Variants in ATXN1 observed in about 807,000 individuals in gnomAD.
ATXN1 encodes ataxin-1.
Under a neutral mutation model 56.4 loss-of-function variants are expected in ATXN1, and 8 were observed. The observed-to-expected ratio is 0.14, with a 90% CI of 0.08 to 0.26. ATXN1 has a LOEUF of 0.26. Among genes scored for constraint, ATXN1 ranks in the 10% least tolerant of loss-of-function variants. The pLI is 1.00. For missense variants in ATXN1, 987 were observed against 1,106.5 expected (o/e 0.89, Z 1.53); for synonymous variants, 514 against 494.6 (o/e 1.04, Z -0.52).
At chr6:16,458,440 C>G (rs1759924143) in intron 6 of ATXN1, among the ~76,000 whole-genome samples, 1 of 152,176 alleles carries the variant, frequency 6.6e-6, no homozygotes, top group Non-Finnish European at 1.5e-5. Flanking sequence ...GTCAATTGAT[C>G]CTAAAAGATG....
chr6:16,483,991 C>T (rs574169496), intron 6 of ATXN1, among the ~76,000 whole-genome samples: 3 of 152,248 alleles, frequency 2.0e-5, no homozygotes, highest in African/African-American at 7.2e-5. Context: ...AACTGGAGTA[C>T]CCAAATCTAA....
At chr6:16,635,671 T>C (rs1201076802) in intron 3 of ATXN1, among the ~76,000 whole-genome samples, 1 of 152,214 alleles carries the variant, frequency 6.6e-6, no homozygotes, top group Non-Finnish European at 1.5e-5. Context: ...ATCTGATTCT[T>C]TAGGCAGGAC....
At chr6:16,558,629 C>T (rs1418839186) in intron 4 of ATXN1, among the ~76,000 whole-genome samples, 1 of 152,034 alleles carries the variant, frequency 6.6e-6, no homozygotes, top group Non-Finnish European at 1.5e-5. Context: ...CCTTGGCCTC[C>T]CAAAGTGCTG....
chr6:16,678,447 T>C (rs1213828664), intron 2 of ATXN1, among the ~76,000 whole-genome samples: 1 of 152,240 alleles, frequency 6.6e-6, no homozygotes, highest in African/African-American at 2.4e-5. Flanking sequence ...TAAGCCAAAA[T>C]GTTATTTTCT....
At chr6:16,581,362 C>T (rs138218898) in intron 4 of ATXN1, among the ~76,000 whole-genome samples, 2 of 151,586 alleles carry the variant, frequency 1.3e-5, no homozygotes, top group East Asian at 1.9e-4. Context: ...TTTGAGGGCC[C>T]GAAGAGAGCA....
At chr6:16,576,227 TAA>T (rs575279596) in intron 4 of ATXN1, among the ~76,000 whole-genome samples, 368 of 152,342 alleles carry the variant, frequency 2.4e-3, no homozygotes, top group Admixed American at 4.7e-3. Context: ...ATGGACTCCC[TAA>T]GTCTCTTTAC....
rs114799658 is a variant in ATXN1, at chr6:16,510,072, C to T, written c.-299+12555G>A. ...CACTTCTATCTTTAACCCTCTGAAG[C>T]GTGTTTTTACTTTTATATACAGTTT... On this transcript the variant is annotated intron_variant, in intron 5 of 7. Transcript: ENST00000436367. Among the ~76,000 whole-genome samples, 636 of 152,324 alleles carry T rather than the reference C, an allele frequency of 4.2e-3. 4 individuals carry two copies. The highest frequency in any genetic ancestry group is 0.013 in the African/African-American group (529 of 41,558).
chr6:16,482,909 G>C (rs1760468875), intron 6 of ATXN1, among the ~76,000 whole-genome samples: 1 of 152,070 alleles, frequency 6.6e-6, no homozygotes, highest in South Asian at 2.1e-4. Context: ...CGTTCAATTG[G>C]CCTCATCTAA....
intron 2 of ATXN1, among the ~76,000 whole-genome samples, chr6:16,676,848 T>A (rs1340453535): frequency 6.6e-6 from 1 of 152,104 alleles, no homozygotes; most frequent in Non-Finnish European, 1.5e-5. Context: ...CCAAGAAAAG[T>A]GTTACATCAA....
intron 4 of ATXN1, among the ~76,000 whole-genome samples, chr6:16,529,616 A>G (rs1761462914): frequency 6.6e-6 from 1 of 152,214 alleles, no homozygotes; most frequent in Non-Finnish European, 1.5e-5. Flanking sequence ...GCCATTGGTT[A>G]TAACAGATGT....
intron 6 of ATXN1, among the ~76,000 whole-genome samples, chr6:16,339,993 G>A (rs1761209206): frequency 1.3e-5 from 2 of 152,198 alleles, no homozygotes; most frequent in African/African-American, 4.8e-5. Flanking sequence ...ATGTTGGCCA[G>A]GATGGTCTCG....
chr6:16,520,667 C>G (rs904997825), intron 5 of ATXN1, among the ~76,000 whole-genome samples: 34 of 152,166 alleles, frequency 2.2e-4, no homozygotes, highest in African/African-American at 6.3e-4. Flanking sequence ...CAGAGAGCAA[C>G]AGGTGTCAGT....
At chr6:16,533,722 T>C (rs1761545853) in intron 4 of ATXN1, among the ~76,000 whole-genome samples, 1 of 152,122 alleles carries the variant, frequency 6.6e-6, no homozygotes, top group South Asian at 2.1e-4. Flanking sequence ...GTAAGAGAAG[T>C]CTTCTTCTTT....
At chr6:16,403,969 A>G (rs1758634038) in intron 6 of ATXN1, among the ~76,000 whole-genome samples, 3 of 152,210 alleles carry the variant, frequency 2.0e-5, no homozygotes, top group Admixed American at 1.3e-4. Flanking sequence ...AGGGAGCTCT[A>G]AACATCTAGT....
intron 4 of ATXN1, among the ~76,000 whole-genome samples, chr6:16,527,557 G>A (rs1761418613): frequency 1.3e-5 from 2 of 152,156 alleles, no homozygotes; most frequent in Non-Finnish European, 2.9e-5. Context: ...CCAATGGCAG[G>A]TGACAGTCCC....
intron 6 of ATXN1, among the ~76,000 whole-genome samples, chr6:16,455,816 A>G (rs868099647): frequency 6.6e-6 from 1 of 152,226 alleles, no homozygotes; most frequent in Non-Finnish European, 1.5e-5. Flanking sequence ...AAACACACCA[A>G]TCAGGAACTT....
chr6:16,574,738 A>T (rs1204272055), intron 4 of ATXN1, among the ~76,000 whole-genome samples: 2 of 152,154 alleles, frequency 1.3e-5, no homozygotes, highest in Non-Finnish European at 2.9e-5. Flanking sequence ...AACCACGATC[A>T]AAACTAGAAA....
chr6:16,419,822 G>T (rs1758994687), intron 6 of ATXN1, among the ~76,000 whole-genome samples: 1 of 152,174 alleles, frequency 6.6e-6, no homozygotes, highest in Non-Finnish European at 1.5e-5. Context: ...TCTCAGGGCT[G>T]CTGTCATCAT....
intron 4 of ATXN1, among the ~76,000 whole-genome samples, chr6:16,536,815 G>T (rs1324004567): frequency 6.6e-6 from 1 of 152,188 alleles, no homozygotes; most frequent in Admixed American, 6.5e-5. Flanking sequence ...TCTAGACTCT[G>T]CAGAGCTTTA....
Sources: gnomAD v4.1 joint callset for allele counts (sites outside exome capture counted in the v4.1 genomes callset) on GRCh38, gnomAD v4.1.1 for gene constraint, MANE v1.5 for transcripts, NCBI Gene and HGNC (gene_info 2026-07-23, HGNC 2026-07-21) for gene names.